RBM33: variants seen among roughly 807,000 people sequenced by gnomAD.
RBM33 encodes RNA binding motif protein 33.
A neutral mutation model predicts 132.6 loss-of-function variants in RBM33; 28 were observed. That is an observed-to-expected ratio of 0.21 (90% CI 0.16 to 0.29). The LOEUF (loss-of-function observed/expected upper bound fraction) is 0.29. Ranked by LOEUF, RBM33 falls within the 10% of genes least tolerant of loss-of-function variation. The probability of loss-of-function intolerance (pLI) is 1.00; values close to 1 mark genes in which losing one functional copy is unlikely to be tolerated. For missense variants in RBM33, 1,291 were observed against 1,518.5 expected (o/e 0.85, Z 2.49); for synonymous variants, 634 against 593.0 (o/e 1.07, Z -1.01).
In RBM33 at chr7:155,761,657, A is replaced by G. The variant is rs571456412; in HGVS notation, c.2980-2155A>G. Among the ~76,000 whole-genome samples the G allele has an allele frequency of 3.3e-5, 5 of 152,098 alleles. No individual in the cohort carries two copies. The East Asian group carries it at 9.6e-4, about 29-fold the overall frequency. On this transcript the variant is annotated intron_variant, in intron 14 of 17. Coordinates refer to ENST00000401878, the MANE Select transcript of RBM33 (RefSeq NM_053043.3). ...CTTTGTTTCCTTATTTTGGTAATTC[A>G]TCTTCTTTCCTTTTTTCTTGGTCAG... is the stretch of plus-strand genomic sequence containing the variant.
At chr7:155,654,568 G>A (rs978882829) in intron 1 of RBM33, among the ~76,000 whole-genome samples, 5 of 152,090 alleles carry the variant, frequency 3.3e-5, no homozygotes, top group Admixed American at 3.3e-4. Context: ...TGTGCTCTAG[G>A]CTTGTGGAAC....
chr7:155,662,942 G>C (rs917969591), intron 1 of RBM33, among the ~76,000 whole-genome samples: 5 of 152,170 alleles, frequency 3.3e-5, no homozygotes, highest in Admixed American at 6.5e-5. Flanking sequence ...GGATGAAGAG[G>C]GGTGGGTCCT....
intron 2 of RBM33, among the ~76,000 whole-genome samples, chr7:155,670,115 G>C (rs1798906588): frequency 6.6e-6 from 1 of 152,228 alleles, no homozygotes; most frequent in Non-Finnish European, 1.5e-5. Context: ...AAACGTCTTT[G>C]AGGATAACTT....
chr7:155,743,256 T>C (rs1208828816), intron 13 of RBM33, among the ~76,000 whole-genome samples: 2 of 152,232 alleles, frequency 1.3e-5, no homozygotes, highest in Non-Finnish European at 2.9e-5. Flanking sequence ...AAGAAGTCTT[T>C]GGTAAAAGTT....
chr7:155,746,071 T>G (rs562711855), intron 14 of RBM33, among the ~76,000 whole-genome samples: 2 of 152,268 alleles, frequency 1.3e-5, no homozygotes, highest in East Asian at 1.9e-4. Flanking sequence ...AATGTTGTTA[T>G]GCGGCACATG....
intron 5 of RBM33, among the ~76,000 whole-genome samples, chr7:155,694,826 A>G (rs1034086537): frequency 1.3e-5 from 2 of 152,056 alleles, no homozygotes; most frequent in Admixed American, 6.6e-5. Context: ...GGTTGTTTCC[A>G]GTTTTTTTGT....
At chr7:155,737,933 T>A in intron 10 of RBM33, 127 bp from the exon 11 acceptor site, 2 of 915,928 alleles carry the variant, frequency 2.2e-6, no homozygotes, top group Non-Finnish European at 3.3e-6. Context: ...TCTGGAATTG[T>A]TTCCAACATT....
chr7:155,739,782 C>T lies in RBM33; in HGVS notation c.1805C>T (p.Pro602Leu), dbSNP rs1015146503. ...CCTCAGCAACCTCAGCAACAGCCCCCGCCACAGCACCAGCCTCCGCACCAG... is the reference window on the plus strand; with the variant it reads ...CCTCAGCAACCTCAGCAACAGCCCCTGCCACAGCACCAGCCTCCGCACCAG... Reference protein sequence around the residue: ...PQPQQPQQQPPPQHQPPHQPP... With the variant: ...PQPQQPQQQPLPQHQPPHQPP... Residue 602 changes from proline to leucine, a missense_variant, in exon 12 of 18, where the codon CCG becomes CTG. Coordinates refer to ENST00000401878, the MANE Select transcript of RBM33 (RefSeq NM_053043.3). The T allele has an allele frequency of 7.1e-5, 109 of 1,535,344 alleles. No individual in the cohort carries two copies. The highest frequency in any genetic ancestry group is 5.1e-4 in the Admixed American group (26 of 50,496).
At chr7:155,667,271 T>C (rs1274756519) in intron 2 of RBM33, among the ~76,000 whole-genome samples, 1 of 152,158 alleles carries the variant, frequency 6.6e-6, no homozygotes, top group African/African-American at 2.4e-5. Context: ...TGTTGTTGTT[T>C]TGGAGACAGG....
chr7:155,686,464 C>T (rs139580679), intron 5 of RBM33, among the ~76,000 whole-genome samples: 3,843 of 151,130 alleles, frequency 0.025, 86 homozygotes, highest in Middle Eastern at 0.038. Context: ...CCTTTTTGTT[C>T]GTGGTATTTT....
intron 8 of RBM33, among the ~76,000 whole-genome samples, chr7:155,716,276 C>T (rs972905667): frequency 6.9e-6 from 1 of 144,044 alleles, no homozygotes; most frequent in African/African-American, 2.7e-5. Context: ...ACTGTCCGCA[C>T]GCAGCAACCC....
intron 16 of RBM33, among the ~76,000 whole-genome samples, chr7:155,773,544 G>A (rs1448078634): frequency 1.5e-5 from 2 of 130,836 alleles, no homozygotes; most frequent in African/African-American, 6.2e-5. Flanking sequence ...CACCAGCCCA[G>A]GCAACAGTGC....
At chr7:155,770,507 G>A (rs1802389257) in intron 16 of RBM33, among the ~76,000 whole-genome samples, 1 of 152,116 alleles carries the variant, frequency 6.6e-6, no homozygotes, top group Non-Finnish European at 1.5e-5. Flanking sequence ...TCTGCTCTAG[G>A]GTGGGGCTCA....
Position 155,665,144 on chromosome 7 carries a change from T to G in RBM33, c.44-31T>G, listed in dbSNP as rs760772585. On this transcript the variant is annotated intron_variant, in intron 1 of 17. Coordinates refer to ENST00000401878, the MANE Select transcript of RBM33 (RefSeq NM_053043.3). ...TTGCATTGTGTCTATTTTAACTTAG[T>G]AAAACTGACTTCAATGGACTGTTCT... 53 of 1,599,974 alleles carry G rather than the reference T, an allele frequency of 3.3e-5. No homozygotes were observed. In the South Asian group the frequency reaches 5.8e-4, roughly 18 times the overall value.
In RBM33 at chr7:155,700,861, G is replaced by A. The variant is rs1799941468; in HGVS notation, c.656G>A (p.Arg219His). ...EEDDEESGRL[R>H]FKTERKEGTI... ...GATGATGAAGAATCTGGACGATTACGTTTCAAAACTGAAAGGAAAGAAGGA... is the reference window on the plus strand; with the variant it reads ...GATGATGAAGAATCTGGACGATTACATTTCAAAACTGAAAGGAAAGAAGGA... The change falls in exon 6 of 18, where the codon CGT becomes CAT. Residue 219 changes from arginine to histidine, a missense_variant. By Grantham distance (29) the Arg-to-His change is conservative. Coordinates refer to ENST00000401878, the MANE Select transcript of RBM33 (RefSeq NM_053043.3). 2 of 1,610,836 alleles carry A rather than the reference G, an allele frequency of 1.2e-6. No homozygotes were observed. The highest frequency in any genetic ancestry group is 1.7e-6 in the Non-Finnish European group (2 of 1,178,106).
At chr7:155,658,140 C>G (rs138229210) in intron 1 of RBM33, among the ~76,000 whole-genome samples, 1 of 152,226 alleles carries the variant, frequency 6.6e-6, no homozygotes, top group African/African-American at 2.4e-5. Flanking sequence ...TTTTGGTGTT[C>G]TGTTTCAGTG....
At chr7:155,694,309 C>T (rs938156017) in intron 5 of RBM33, among the ~76,000 whole-genome samples, 21 of 152,080 alleles carry the variant, frequency 1.4e-4, no homozygotes, top group Admixed American at 1.1e-3. Flanking sequence ...ATAGTTAATG[C>T]GGCCACATTA....
chr7:155,752,684 A>G (rs992961818), intron 14 of RBM33, among the ~76,000 whole-genome samples: 3 of 152,176 alleles, frequency 2.0e-5, no homozygotes, highest in Non-Finnish European at 2.9e-5. Context: ...CCACTGGTCT[A>G]AGAACCCATG....
intron 8 of RBM33, among the ~76,000 whole-genome samples, chr7:155,714,675 T>C (rs2116983514): frequency 6.6e-6 from 1 of 152,242 alleles, no homozygotes; most frequent in African/African-American, 2.4e-5. Flanking sequence ...AGAGGGGCCA[T>C]TAGAGCGAGA....
Sources: allele counts gnomAD v4.1 joint callset (sites outside exome capture counted in the v4.1 genomes callset), GRCh38; gene constraint gnomAD v4.1.1; transcripts MANE v1.5; gene names NCBI Gene and HGNC (gene_info 2026-07-23, HGNC 2026-07-21).